CACNA2D2: variants seen among roughly 807,000 people sequenced by gnomAD.
CACNA2D2 encodes voltage-dependent calcium channel subunit alpha-2/delta-2.
Under a neutral mutation model 166.4 loss-of-function variants are expected in CACNA2D2, and 48 were observed. The observed-to-expected ratio is 0.29, with a 90% confidence interval of 0.23 to 0.37. The LOEUF is 0.37. Ranked by LOEUF, CACNA2D2 falls within the 10% of genes least tolerant of loss-of-function variation. CACNA2D2 has a pLI of 1.00. For synonymous variants in CACNA2D2, 561 were observed against 573.7 expected, an observed-to-expected ratio of 0.98 and a Z score of 0.32; for missense variants, 1,122 against 1,433.0, an observed-to-expected ratio of 0.78 and a Z score of 3.50.
At chr3:50,440,174 C>A (rs1180963011) in intron 2 of CACNA2D2, among the ~76,000 whole-genome samples, 1 of 152,202 alleles carries the variant, frequency 6.6e-6, no homozygotes, top group Non-Finnish European at 1.5e-5. Context: ...TCTGGCTGCT[C>A]TGGGGACACA....
chr3:50,368,285 C>A (rs201353265), intron 23 of CACNA2D2, 50 bp from the exon 24 acceptor site: 37 of 1,167,934 alleles, frequency 3.2e-5, no homozygotes, highest in Non-Finnish European at 4.5e-5. Flanking sequence ...CTGGACAGGG[C>A]AATGGGGTCA....
intron 2 of CACNA2D2, among the ~76,000 whole-genome samples, chr3:50,458,056 A>C (rs2236984): frequency 0.29 from 43,559 of 152,084 alleles, 8,795 homozygotes; most frequent in African/African-American, 0.53. Flanking sequence ...CCCAGGTAAC[A>C]CTACCTGCTA....
Position 50,367,372 on chromosome 3 carries a change from G to C in CACNA2D2, c.2401+22C>G. ...AGCTGAGGCTCCCTGCCTGCTGCTG[G>C]GCACACTGCGGGGACACTCACCATC... On this transcript the variant is annotated intron_variant, in intron 27 of 37. Transcript: ENST00000424201. This position sits in a 1 kb window ranked among gnomAD's most constrained non-coding sequence, Gnocchi z 6.5. 1 of 1,602,402 alleles carries C rather than the reference G, an allele frequency of 6.2e-7. No homozygotes were observed. The highest frequency in any genetic ancestry group is 1.3e-5 in the African/African-American group (1 of 74,806).
At chr3:50,387,202 G>A (rs975499077) in intron 5 of CACNA2D2, among the ~76,000 whole-genome samples, 2 of 152,128 alleles carry the variant, frequency 1.3e-5, no homozygotes, top group Non-Finnish European at 2.9e-5. Flanking sequence ...GCACCTGGAC[G>A]TTCCTGCATC....
chr3:50,369,913 C>A (rs2071803), intron 23 of CACNA2D2, among the ~76,000 whole-genome samples: 12,425 of 151,674 alleles, frequency 0.082, 623 homozygotes, highest in Middle Eastern at 0.11. Flanking sequence ...CGAACACCGA[C>A]TGACACAGGA....
intron 2 of CACNA2D2, among the ~76,000 whole-genome samples, chr3:50,459,565 A>G (rs1177325009): frequency 6.6e-6 from 1 of 152,134 alleles, no homozygotes; most frequent in Non-Finnish European, 1.5e-5. Flanking sequence ...GGGACTCCGA[A>G]GCCCATCAGT....
intron 13 of CACNA2D2, 150 bp downstream of exon 13, chr3:50,378,763 TAG>T: frequency 1.1e-6 from 1 of 884,678 alleles, no homozygotes; most frequent in Non-Finnish European, 1.8e-6. Context: ...AGCCCCCAGA[TAG>T]AGTGAGGGAC....
chr3:50,476,223 G>C, intron 1 of CACNA2D2, 24 bp from the exon 2 acceptor site: 1 of 1,558,370 alleles, frequency 6.4e-7, no homozygotes, highest in Non-Finnish European at 8.7e-7. Context: ...GAGGAGAGAG[G>C]TGTCAGGAGG....
intron 3 of CACNA2D2, among the ~76,000 whole-genome samples, chr3:50,400,742 C>A (rs1280903107): frequency 6.6e-6 from 1 of 152,268 alleles, no homozygotes; most frequent in Non-Finnish European, 1.5e-5. Context: ...CCTTACCCGT[C>A]CCTCAAGGCC....
At chr3:50,401,901 C>A (rs1244472160) in intron 3 of CACNA2D2, among the ~76,000 whole-genome samples, 1 of 152,026 alleles carries the variant, frequency 6.6e-6, no homozygotes, top group African/African-American at 2.4e-5. Context: ...CATGTGGCAA[C>A]AGGGTTTCAC....
At chr3:50,394,286 C>A in intron 3 of CACNA2D2, 118 bp from the exon 4 acceptor site, 1 of 787,384 alleles carries the variant, frequency 1.3e-6, no homozygotes, top group Non-Finnish European at 2.2e-6. Context: ...TGACTCCCTT[C>A]CCCTCATCCT....
At chr3:50,486,825 G>T (rs1449538675) in intron 1 of CACNA2D2, among the ~76,000 whole-genome samples, 2 of 152,192 alleles carry the variant, frequency 1.3e-5, no homozygotes, top group Non-Finnish European at 2.9e-5. Flanking sequence ...GGAAACACTT[G>T]GAGATAAATT....
At chr3:50,453,830 T>C (rs940092088) in intron 2 of CACNA2D2, among the ~76,000 whole-genome samples, 8 of 151,840 alleles carry the variant, frequency 5.3e-5, no homozygotes, top group Non-Finnish European at 1.2e-4. Flanking sequence ...GAGGGAATGG[T>C]GAGGGCCACG....
chr3:50,464,541 G>A lies in CACNA2D2; in HGVS notation c.288+11577C>T, dbSNP rs78093522. On this transcript the variant is annotated intron_variant, in intron 2 of 37. Coordinates refer to ENST00000424201, the MANE Select transcript of CACNA2D2 (RefSeq NM_006030.4). The stretch of plus-strand genomic sequence containing the variant: ...TCCTGGGAAACCCTGTCTGCTGTGG[G>A]GGTGAAGCCACAGCCCACATAAAAG... 5.3e-3 allele frequency among the ~76,000 whole-genome samples: 812 copies of A among 152,276 alleles called. 4 individuals carry two copies. Among genetic ancestry groups the A allele is most frequent in the African/African-American group, 0.018 (757 of 41,548 alleles).
chr3:50,457,312 G>A (rs1709403846), intron 2 of CACNA2D2, among the ~76,000 whole-genome samples: 1 of 152,152 alleles, frequency 6.6e-6, no homozygotes, highest in African/African-American at 2.4e-5. Context: ...GCTCTGGCAG[G>A]TAGTCCAGCT....
Position 50,434,418 on chromosome 3 carries a change from G to A in CACNA2D2, c.300C>T (p.Asp100=). Residue 100 remains aspartate, a synonymous_variant, in exon 3 of 38, where the codon GAC becomes GAT. Coordinates refer to ENST00000424201, the MANE Select transcript of CACNA2D2 (RefSeq NM_006030.4). The stretch of plus-strand genomic sequence containing the variant: ...CCTGTACCTCGAACAGGTTCCGGTT[G>A]TCCTTGTAAATCTGGAAGGAAGCAG... The part of the protein sequence containing the change: ...GVQQLREIYK[D]NRNLFEVQEN... The A allele has an allele frequency of 6.2e-7, 1 of 1,613,980 alleles. No individual in the cohort carries two copies. The highest frequency in any genetic ancestry group is 1.1e-5 in the South Asian group (1 of 91,084).
chr3:50,369,452 C>A (rs1057084253), intron 23 of CACNA2D2, among the ~76,000 whole-genome samples: 16 of 152,242 alleles, frequency 1.1e-4, no homozygotes, highest in Admixed American at 4.6e-4. Flanking sequence ...CAGACTCTTA[C>A]ATATGTACAT....
chr3:50,476,929 C>CTTT (rs61469495), intron 1 of CACNA2D2, among the ~76,000 whole-genome samples: 2 of 135,240 alleles, frequency 1.5e-5, no homozygotes, highest in African/African-American at 2.7e-5. Flanking sequence ...GTTTCTTTTT[C>CTTT]TTTTTTTTTT....
intron 2 of CACNA2D2, among the ~76,000 whole-genome samples, chr3:50,461,764 G>A (rs76729046): frequency 0.01 from 1,082 of 103,314 alleles, 23 homozygotes; most frequent in East Asian, 0.04. Context: ...AAAAAAAAAA[G>A]AAAAAAAGAA....
Sources: allele counts gnomAD v4.1 joint callset (sites outside exome capture counted in the v4.1 genomes callset), GRCh38; gene constraint gnomAD v4.1.1; non-coding constraint Gnocchi (gnomAD v3.1); transcripts MANE v1.5; gene names NCBI Gene and HGNC (gene_info 2026-07-23, HGNC 2026-07-21).